DLC1: variants seen among roughly 807,000 people sequenced by gnomAD.
DLC1 encodes the protein DLC1 Rho GTPase activating protein.
Under a neutral mutation model 140.3 loss-of-function variants are expected in DLC1, and 54 were observed. The ratio of observed to expected loss-of-function variants is 0.38; its 90% confidence interval spans 0.31 to 0.48. DLC1 has a LOEUF of 0.48. DLC1 is among the 20% of genes least tolerant of loss of function. The pLI is 0.96. For missense variants in DLC1, 2,536 were observed against 1,907.0 expected (o/e 1.33, Z -6.14); for synonymous variants, 986 against 728.1 (o/e 1.35, Z -5.70).
intron 4 of DLC1, among the ~76,000 whole-genome samples, chr8:13,346,479 C>G (rs187437853): frequency 6.6e-6 from 1 of 152,192 alleles, no homozygotes; most frequent in Non-Finnish European, 1.5e-5. Flanking sequence ...TTCTCACAGA[C>G]GGCAAAAACT....
chr8:13,436,652 C>T (rs554149662), intron 2 of DLC1, among the ~76,000 whole-genome samples: 7 of 152,226 alleles, frequency 4.6e-5, no homozygotes, highest in South Asian at 2.1e-4. Context: ...AGAAAACAGA[C>T]GAACGGAGGA....
At chr8:13,589,597 A>T (rs1030850970) in intron 1 of DLC1, among the ~76,000 whole-genome samples, 2 of 151,686 alleles carry the variant, frequency 1.3e-5, no homozygotes, top group African/African-American at 4.8e-5. Context: ...GACCTTGAGG[A>T]TGTTTTTTCA....
At position 13,209,273 on chromosome 8, in the gene DLC1, C is replaced by G. The variant is rs139754369; in HGVS notation, c.1349-93616G>C. On this transcript the variant is annotated intron_variant, in intron 5 of 17. Coordinates refer to ENST00000276297, the MANE Select transcript of DLC1 (RefSeq NM_182643.3). ...TAGATAGATATCTATAAAGACTCAT[C>G]TCAAGATTTTTGAGAGTCCATGCAA... Among the ~76,000 whole-genome samples the G allele has an allele frequency of 3.7e-3, 559 of 152,210 alleles. 3 individuals carry two copies. The highest frequency in any genetic ancestry group is 0.013 in the African/African-American group (522 of 41,550).
intron 1 of DLC1, among the ~76,000 whole-genome samples, chr8:13,600,900 A>G (rs1805853451): frequency 6.6e-6 from 1 of 151,872 alleles, no homozygotes; most frequent in Non-Finnish European, 1.5e-5. Context: ...CAAATGGCAT[A>G]TACTTATTTT....
chr8:13,461,952 C>T (rs1372527627), intron 2 of DLC1, among the ~76,000 whole-genome samples: 2 of 152,180 alleles, frequency 1.3e-5, no homozygotes, highest in African/African-American at 2.4e-5. Context: ...TATCTCTGGT[C>T]ATATCTTGCT....
intron 2 of DLC1, among the ~76,000 whole-genome samples, chr8:13,431,511 A>AAAAAAAAAG (rs1838868253): frequency 4.4e-4 from 58 of 132,046 alleles, no homozygotes; most frequent in African/African-American, 1.2e-3. Flanking sequence ...AAAAAAAAAA[A>AAAAAAAAAG]AAAAGAAAAG....
At chr8:13,384,336 A>G (rs79990108) in intron 4 of DLC1, among the ~76,000 whole-genome samples, 7,735 of 133,956 alleles carry the variant, frequency 0.058, 233 homozygotes, top group South Asian at 0.077. Flanking sequence ...ATGCAGGTAG[A>G]CACCTACCTT....
intron 2 of DLC1, among the ~76,000 whole-genome samples, chr8:13,469,599 A>G (rs746818811): frequency 4.6e-5 from 7 of 152,246 alleles, no homozygotes; most frequent in Non-Finnish European, 8.8e-5. Context: ...TCACAAAGGT[A>G]AATGATAGAT....
At chr8:13,521,707 C>G (rs1475061721) in intron 1 of DLC1, among the ~76,000 whole-genome samples, 1 of 152,116 alleles carries the variant, frequency 6.6e-6, no homozygotes, top group Non-Finnish European at 1.5e-5. Context: ...GGGAGTGAAG[C>G]AGGTATGAAA....
At chr8:13,587,606 T>TATATATATATATATACATTGC (rs1439535922) in intron 1 of DLC1, among the ~76,000 whole-genome samples, 31 of 24,734 alleles carry the variant, frequency 1.3e-3, no homozygotes, top group Non-Finnish European at 2.0e-3. Context: ...ACATTGCATA[T>TATATATATATATATACATTGC]ATATATATAT....
At chr8:13,103,895 T>G (rs1819327693) in intron 7 of DLC1, among the ~76,000 whole-genome samples, 1 of 151,070 alleles carries the variant, frequency 6.6e-6, no homozygotes, top group Admixed American at 6.6e-5. Context: ...ATGTCTCCTT[T>G]CATAGAAATA....
intron 7 of DLC1, 147 bp from the exon 8 acceptor site, chr8:13,103,000 T>A: frequency 1.5e-6 from 1 of 680,936 alleles, no homozygotes; most frequent in Non-Finnish European, 2.4e-6. Flanking sequence ...AGAAACTTAT[T>A]TAAAAAGTGA....
chr8:13,379,977 A>G (rs1290646098), intron 4 of DLC1, among the ~76,000 whole-genome samples: 1 of 152,190 alleles, frequency 6.6e-6, no homozygotes, highest in Non-Finnish European at 1.5e-5. Context: ...GGGGAAATCC[A>G]TCCTTCTTAA....
At chr8:13,403,292 C>G (rs1454945747) in intron 2 of DLC1, among the ~76,000 whole-genome samples, 2 of 152,190 alleles carry the variant, frequency 1.3e-5, no homozygotes, top group Non-Finnish European at 2.9e-5. Context: ...CTGATCTTTT[C>G]CATGTATCTT....
intron 1 of DLC1, among the ~76,000 whole-genome samples, chr8:13,590,348 C>T (rs1401375650): frequency 6.6e-6 from 1 of 151,914 alleles, no homozygotes; most frequent in African/African-American, 2.4e-5. Flanking sequence ...CTAGGTTTCA[C>T]CAAGTGGAAA....
rs1827903516 is a variant in DLC1 at position 13,210,860 on chromosome 8, T to C, written c.1348+94409A>G. On this transcript the variant is annotated intron_variant, in intron 5 of 17. Transcript: ENST00000276297. The stretch of plus-strand genomic sequence containing the variant: ...CGCTTTTAAGTCTCTTTCCCTGGTC[T>C]GAAGTTCTTCTGCCTTAAATAATCT... Among the ~76,000 whole-genome samples, 3 of 152,218 alleles carry C rather than the reference T, an allele frequency of 2.0e-5. 1 individual carries two copies. The highest frequency in any genetic ancestry group is 2.0e-4 in the Admixed American group (3 of 15,274).
intron 2 of DLC1, among the ~76,000 whole-genome samples, chr8:13,470,573 C>A (rs575847175): frequency 1.3e-5 from 2 of 152,172 alleles, no homozygotes; most frequent in East Asian, 3.9e-4. Context: ...GAAATATTAC[C>A]CCACACCTGT....
intron 5 of DLC1, among the ~76,000 whole-genome samples, chr8:13,132,646 C>T (rs1456435049): frequency 6.6e-6 from 1 of 152,152 alleles, no homozygotes; most frequent in Non-Finnish European, 1.5e-5. Context: ...GGAAAGTGAA[C>T]CAGGGCTTCC....
intron 1 of DLC1, chr8:13,535,914 C>T (rs1803263080): frequency 6.6e-6 from 1 of 151,950 alleles, no homozygotes; most frequent in Non-Finnish European, 1.5e-5. Flanking sequence ...GGTGGAGGTA[C>T]AGAATTATGT....
Sources: allele counts gnomAD v4.1 joint callset (sites outside exome capture counted in the v4.1 genomes callset), GRCh38; gene constraint gnomAD v4.1.1; transcripts MANE v1.5; gene names NCBI Gene and HGNC (gene_info 2026-07-23, HGNC 2026-07-21).